The following ZNF385D variants were observed in gnomAD, a reference collection of about 807,000 sequenced individuals.
The protein encoded by ZNF385D is zinc finger protein 659.
In ZNF385D, 15 loss-of-function variants were observed where a neutral mutation model predicts 35.8. The ratio of observed to expected loss-of-function variants is 0.42; its 90% CI spans 0.28 to 0.64. ZNF385D has a LOEUF of 0.64. Among genes scored for constraint, ZNF385D ranks in the 30% least tolerant of loss-of-function variants. The pLI, the probability that ZNF385D is intolerant of heterozygous loss-of-function variation, is 0.23. For synonymous variants in ZNF385D, 212 were observed against 186.8 expected, an observed-to-expected ratio of 1.13 and a Z score of -1.10; for missense variants, 474 against 494.6, an observed-to-expected ratio of 0.96 and a Z score of 0.39.
chr3:22,071,778 A>G (rs1352296642), intron 3 of ZNF385D, among the ~76,000 whole-genome samples: 1 of 152,098 alleles, frequency 6.6e-6, no homozygotes, highest in East Asian at 1.9e-4. Flanking sequence ...TAAAAGGCCT[A>G]AATCTAGTTT....
chr3:22,142,734 C>T lies in ZNF385D; in HGVS notation c.325+26083G>A, dbSNP rs987523779. 6.6e-5 allele frequency among the ~76,000 whole-genome samples: 10 copies of T among 152,084 alleles called. 1 individual carries two copies. In the South Asian group the frequency reaches 1.5e-3, roughly 22 times the overall value. The stretch of plus-strand genomic sequence containing the variant: ...GAATGAGATCAATGAGGTTACTAAC[C>T]TTGTGGAGTTTATTTCCCAGCTTCC... On this transcript the variant is annotated intron_variant, in intron 3 of 5. Transcript: ENST00000494108.
chr3:21,978,236 G>A (rs1703760396), intron 3 of ZNF385D: 1 of 152,178 alleles, frequency 6.6e-6, no homozygotes, highest in Admixed American at 6.5e-5. Flanking sequence ...TGAGAGCAGT[G>A]TCTGTTTCTT....
intron 3 of ZNF385D, among the ~76,000 whole-genome samples, chr3:21,776,990 G>T (rs2071314256): frequency 6.6e-6 from 1 of 151,912 alleles, no homozygotes; most frequent in Non-Finnish European, 1.5e-5. Context: ...GTGAGCTTTA[G>T]ATATGATTTT....
chr3:21,570,697 G>A (rs1280715190), intron 2 of ZNF385D, among the ~76,000 whole-genome samples: 1 of 152,032 alleles, frequency 6.6e-6, no homozygotes. Flanking sequence ...AGCTTTTATG[G>A]CCCTTTGTCC....
intron 3 of ZNF385D, among the ~76,000 whole-genome samples, chr3:21,795,472 G>A (rs73142835): frequency 6.6e-6 from 1 of 152,220 alleles, no homozygotes; most frequent in African/African-American, 2.4e-5. Context: ...GAAAAGCTGG[G>A]TCTAAAAATA....
rs1440585945 is a variant in ZNF385D at position 21,651,169 on chromosome 3, T to C, written c.165+13717A>G. 2.7e-5 allele frequency among the ~76,000 whole-genome samples: 4 copies of C among 150,660 alleles called. No homozygotes were observed. In the East Asian group the frequency reaches 7.9e-4, roughly 30 times the overall value. ...TGGGTGTGGTGGCGGGCGCCTGTAG[T>C]CCCAGCTACTCGGGAGGCTGAAGCA... On this transcript the variant is annotated intron_variant, in intron 2 of 7. Coordinates refer to ENST00000281523, the MANE Select transcript of ZNF385D (RefSeq NM_024697.3).
chr3:22,129,249 C>A (rs1480801582), intron 3 of ZNF385D, among the ~76,000 whole-genome samples: 3 of 152,188 alleles, frequency 2.0e-5, no homozygotes, highest in Non-Finnish European at 4.4e-5. Context: ...CAAGCATTCC[C>A]ATGGCCACCA....
intron 2 of ZNF385D, among the ~76,000 whole-genome samples, chr3:22,349,981 A>T (rs1203257297): frequency 1.3e-5 from 2 of 152,198 alleles, no homozygotes; most frequent in Admixed American, 6.5e-5. Context: ...AATGTGAAAT[A>T]AACCTTGGCT....
At chr3:22,167,824 A>G (rs561329852) in intron 3 of ZNF385D, among the ~76,000 whole-genome samples, 1 of 152,342 alleles carries the variant, frequency 6.6e-6, no homozygotes, top group South Asian at 2.1e-4. Context: ...AATAACATCT[A>G]TAATTAACTA....
chr3:21,794,010 C>T (rs1281038548), intron 3 of ZNF385D, among the ~76,000 whole-genome samples: 1 of 152,092 alleles, frequency 6.6e-6, no homozygotes, highest in African/African-American at 2.4e-5. Flanking sequence ...TACCACTCAT[C>T]AAGGATCAGG....
intron 3 of ZNF385D, among the ~76,000 whole-genome samples, chr3:21,824,346 G>A (rs1417265209): frequency 2.0e-5 from 3 of 152,138 alleles, no homozygotes; most frequent in Non-Finnish European, 4.4e-5. Context: ...AGACACATTT[G>A]TCCATATACA....
At chr3:21,907,101 G>C (rs757340830) in intron 3 of ZNF385D, among the ~76,000 whole-genome samples, 2 of 152,066 alleles carry the variant, frequency 1.3e-5, no homozygotes, top group African/African-American at 2.4e-5. Flanking sequence ...CCTGCTCATC[G>C]AGAATGTTTA....
chr3:21,850,250 A>C (rs1180127953), intron 3 of ZNF385D, among the ~76,000 whole-genome samples: 1 of 152,126 alleles, frequency 6.6e-6, no homozygotes, highest in Non-Finnish European at 1.5e-5. Context: ...AAGAACTAGG[A>C]AAGTGGATAA....
intron 3 of ZNF385D, among the ~76,000 whole-genome samples, chr3:22,004,287 C>G (rs559510655): frequency 3.3e-5 from 5 of 152,080 alleles, no homozygotes; most frequent in African/African-American, 9.6e-5. Flanking sequence ...AAAAATGACT[C>G]AAATTTAAAT....
intron 3 of ZNF385D, among the ~76,000 whole-genome samples, chr3:21,967,594 C>T (rs933505969): frequency 6.6e-6 from 1 of 152,172 alleles, no homozygotes; most frequent in African/African-American, 2.4e-5. Context: ...TGGCTTCTTC[C>T]TCAGGTCATT....
At chr3:21,536,573 C>T (rs1032564933) in intron 3 of ZNF385D, among the ~76,000 whole-genome samples, 2 of 152,026 alleles carry the variant, frequency 1.3e-5, no homozygotes, top group African/African-American at 4.8e-5. Flanking sequence ...TTAATTTATG[C>T]ATTTAATTAG....
chr3:21,684,392 CTCTCTCTCTCTCCTCTCT>C (rs1559516637), intron 1 of ZNF385D, among the ~76,000 whole-genome samples: 1,016 of 89,514 alleles, frequency 0.011, 46 homozygotes, highest in African/African-American at 0.046. Context: ...CTCTCTCTCT[CTCTCTCTCTCTCCTCTCT>C]CTCTCTCTCT....
chr3:21,671,631 T>C (rs2066579208), intron 1 of ZNF385D, among the ~76,000 whole-genome samples: 1 of 152,160 alleles, frequency 6.6e-6, no homozygotes. Context: ...AAATAGCTTT[T>C]GAACTAAAAC....
intron 3 of ZNF385D, among the ~76,000 whole-genome samples, chr3:22,105,195 A>C (rs1222455567): frequency 6.6e-6 from 1 of 152,124 alleles, no homozygotes; most frequent in Non-Finnish European, 1.5e-5. Flanking sequence ...TCTGTATATC[A>C]GAACCATAAA....
Sources: allele counts gnomAD v4.1 joint callset (sites outside exome capture counted in the v4.1 genomes callset), GRCh38; gene constraint gnomAD v4.1.1; transcripts MANE v1.5; gene names NCBI Gene and HGNC (gene_info 2026-07-23, HGNC 2026-07-21).